CDK2AP1: variants seen among roughly 807,000 people sequenced by gnomAD.
CDK2AP1 encodes the protein cyclin dependent kinase 2 associated protein 1, also known as cyclin-dependent kinase 2-associated protein 1.
In CDK2AP1, 10 loss-of-function variants were observed where a neutral mutation model predicts 14.1. The observed-to-expected ratio is 0.71, with a 90% CI of 0.44 to 1.20. The LOEUF is 1.20. Among genes scored for constraint, CDK2AP1 ranks in the 50% most tolerant of loss-of-function variants. The pLI, the probability that CDK2AP1 is intolerant of heterozygous loss-of-function variation, is 0.00. For missense variants in CDK2AP1, 102 were observed against 149.9 expected (o/e 0.68, Z 1.67); for synonymous variants, 59 against 59.8 (o/e 0.99, Z 0.06).
At chr12:123,264,321 G>A (rs1433356197) in intron 3 of CDK2AP1, among the ~76,000 whole-genome samples, 1 of 151,636 alleles carries the variant, frequency 6.6e-6, no homozygotes, top group East Asian at 2.0e-4. Context: ...TTAGACAGGT[G>A]TGGTGGCACA....
chr12:123,269,504 G>A (rs1164411840), intron 1 of CDK2AP1, among the ~76,000 whole-genome samples: 1 of 152,254 alleles, frequency 6.6e-6, no homozygotes, highest in Non-Finnish European at 1.5e-5. Context: ...CAGGGACCAC[G>A]TCAGCGAAGG....
chr12:123,271,266 C>T (rs1260732836), intron 1 of CDK2AP1: 1 of 151,528 alleles, frequency 6.6e-6, no homozygotes, highest in Non-Finnish European at 1.4e-5. Context: ...GAGAACAAGC[C>T]TCCCCCGCCC....
At position 123,267,269 on chromosome 12, in the gene CDK2AP1, G is replaced by C. The variant is rs1210029698; in HGVS notation, c.69C>G (p.His23Gln). The C allele has an allele frequency of 1.2e-6, 2 of 1,610,738 alleles. No homozygotes were observed. The highest frequency in any genetic ancestry group is 2.2e-5 in the South Asian group (2 of 90,988). The change falls in exon 2 of 4, where the codon CAC (histidine) becomes CAG (glutamine). Residue 23 changes from histidine to glutamine, a missense_variant. By Grantham distance (24) the His-to-Gln change is conservative. This residue lies in a region of CDK2AP1 where 50 missense variants were observed against 42.7 expected (regional missense o/e 1.17). Coordinates refer to ENST00000261692, the MANE Select transcript of CDK2AP1 (RefSeq NM_004642.4). The part of the protein sequence containing the change: ...AAALNAAGSV[H>Q]SPSTSMATSS... The stretch of plus-strand genomic sequence containing the variant: ...ACGTTGCCATGCTGGTGGAAGGCGA[G>C]TGGACACTCCCAGCTGTGGGGTGGG...
chr12:123,262,669 AG>A (rs1226665955), intron 3 of CDK2AP1, among the ~76,000 whole-genome samples: 2 of 152,282 alleles, frequency 1.3e-5, no homozygotes, highest in African/African-American at 4.8e-5. Flanking sequence ...TCAACCTGCC[AG>A]GATCAGGTGA....
chr12:123,264,462 C>CAAAAAAAAAAAAAAAAAAAA lies in CDK2AP1; in HGVS notation c.280+714_280+733dup, dbSNP rs1167157405. Among the ~76,000 whole-genome samples, 11 of 69,860 alleles carry CAAAAAAAAAAAAAAAAAAAA rather than the reference C, an allele frequency of 1.6e-4. 1 individual carries two copies. The highest frequency in any genetic ancestry group is 5.0e-4 in the African/African-American group (7 of 13,900). The allele number at this position is 69,860 out of a possible 152,430, so 45.8% of individuals were successfully genotyped here. A position where few individuals can be genotyped will look rare whatever the true frequency, so the allele number is the denominator to read the frequency against. ...GCAACAAGAGTAAAACTCCGTCTCC[C>CAAAAAAAAAAAAAAAAAAAA]AAAAAAAAAAAAAAAAAAAAAAAAA... On this transcript the variant is annotated intron_variant, in intron 3 of 3. Transcript: ENST00000261692.
intron 1 of CDK2AP1, chr12:123,268,240 G>A: frequency 2.0e-6 from 2 of 985,530 alleles, no homozygotes; most frequent in Non-Finnish European, 2.4e-6. Flanking sequence ...CACACAGTGG[G>A]CGCCGCAGAC....
intron 1 of CDK2AP1, chr12:123,270,802 C>T: frequency 1.0e-6 from 1 of 980,988 alleles, no homozygotes; most frequent in Middle Eastern, 5.2e-4. Flanking sequence ...CCAGATGGGG[C>T]GTCCACGTGA....
At chr12:123,271,028 C>A in intron 1 of CDK2AP1, 1 of 882,196 alleles carries the variant, frequency 1.1e-6, no homozygotes, top group South Asian at 5.7e-5. Context: ...TCAGGGCCCC[C>A]GGCAGCCCGG....
At chr12:123,268,181 G>A (rs1223229807) in intron 1 of CDK2AP1, 6 of 985,342 alleles carry the variant, frequency 6.1e-6, no homozygotes, top group African/African-American at 1.7e-5. Flanking sequence ...AGTCCTCCTC[G>A]GCAGCTGCCC....
Position 123,261,555 on chromosome 12 carries a change from C to T in CDK2AP1, c.*181G>A. 1.9e-6 allele frequency: 1 copy of T among 532,582 alleles called. No individual in the cohort carries two copies. The highest frequency in any genetic ancestry group is 3.3e-6 in the Non-Finnish European group (1 of 299,392). 33.0% of individuals were successfully genotyped at this position (532,582 alleles called of 1,614,324 possible). On this transcript the variant is annotated 3_prime_UTR_variant, in exon 4 of 4. Transcript: ENST00000261692. ...TTCCTAACTACTTAAAATGCAAATC[C>T]TAATTAACTGCAAAATCTTTTCTCA...
chr12:123,267,180 C>G lies in CDK2AP1; in HGVS notation c.153+5G>C, dbSNP rs775171614. 4 of 1,551,936 alleles carry G rather than the reference C, an allele frequency of 2.6e-6. No individual in the cohort carries two copies. In the East Asian group the frequency reaches 9.0e-5, roughly 35 times the overall value. Reference sequence around the variant, plus strand: ...CCCACCATGCCATCACCCCCATTGACATACCTGGGTGTAGCCTAGGGACGG... The same window carrying G: ...CCCACCATGCCATCACCCCCATTGAGATACCTGGGTGTAGCCTAGGGACGG... On this transcript the variant is annotated splice_donor_5th_base_variant and intron_variant, in intron 2 of 3. Coordinates refer to ENST00000261692, the MANE Select transcript of CDK2AP1 (RefSeq NM_004642.4).
Position 123,263,925 on chromosome 12 carries a change from T to C in CDK2AP1, c.280+1271A>G, listed in dbSNP as rs190283259. On this transcript the variant is annotated intron_variant, in intron 3 of 3. Transcript: ENST00000261692. ...TCGAAACCATCCTGGCCAACCAACA[T>C]GGCGAAACCTGGTCTCTACTAAAAA... is the stretch of plus-strand genomic sequence containing the variant. Among the ~76,000 whole-genome samples the C allele has an allele frequency of 3.5e-3, 535 of 151,314 alleles. 5 individuals carry two copies. Among genetic ancestry groups the C allele is most frequent in the Non-Finnish European group, 4.5e-3 (303 of 67,898 alleles).
chr12:123,270,633 TGGCTCCCTC>T (rs1030613487), intron 1 of CDK2AP1, among the ~76,000 whole-genome samples: 3 of 152,098 alleles, frequency 2.0e-5, no homozygotes, highest in Non-Finnish European at 4.4e-5. Flanking sequence ...CCACTCCCCA[TGGCTCCCTC>T]GGTCCCCTGG....
intron 1 of CDK2AP1, chr12:123,270,279 C>G (rs952014483): frequency 1.5e-6 from 1 of 675,788 alleles, no homozygotes; most frequent in African/African-American, 2.0e-5. Context: ...TCCGAGCCCA[C>G]AAGTGAGCAA....
rs1193663289 is a variant in CDK2AP1, at chr12:123,271,025, CCCCGGCAG to C, written c.55+531_55+538del. On this transcript the variant is annotated intron_variant, in intron 1 of 3. Coordinates refer to ENST00000261692, the MANE Select transcript of CDK2AP1 (RefSeq NM_004642.4). The stretch of plus-strand genomic sequence containing the variant: ...CCCGGCGGCCCCGCGACCTCAGGGC[CCCCGGCAG>C]CCCGGCAGCCCCGCAGCCCCGCAGC... 3.4e-4 allele frequency: 315 copies of C among 918,904 alleles called. No individual in the cohort carries two copies. The African/African-American group carries it at 4.7e-3, about 14-fold the overall frequency. 56.9% of individuals were successfully genotyped at this position (918,904 alleles called of 1,614,324 possible).
chr12:123,261,851 C>T (rs777893249), intron 3 of CDK2AP1, 48 bp from the exon 4 acceptor site: 9 of 1,266,248 alleles, frequency 7.1e-6, no homozygotes, highest in Non-Finnish European at 1.0e-5. Context: ...CAGGACCAGC[C>T]AGCAAAGCCC....
rs760272973 is a variant in CDK2AP1, at chr12:123,265,206, C to T, written c.270G>A (p.Arg90=). Residue 90 remains arginine, a synonymous_variant, in exon 3 of 4, where the codon AGG becomes AGA. Coordinates refer to ENST00000261692, the MANE Select transcript of CDK2AP1 (RefSeq NM_004642.4). This position sits in a 1 kb window ranked among gnomAD's most constrained non-coding sequence, Gnocchi z 5.3. ...TYAGSKSAME[R]LKRGIIHARG... Reference sequence around the variant, plus strand: ...CGGGGCCGGGCTTACCGCGCTTCAGCCTCTCCATGGCACTCTTGCTCCCTG... The same window carrying T: ...CGGGGCCGGGCTTACCGCGCTTCAGTCTCTCCATGGCACTCTTGCTCCCTG... 31 of 1,614,080 alleles carry T rather than the reference C, an allele frequency of 1.9e-5. No individual in the cohort carries two copies. The highest frequency in any genetic ancestry group is 2.5e-5 in the Non-Finnish European group (30 of 1,180,046).
At chr12:123,267,500 G>C (rs2048309527) in intron 1 of CDK2AP1, 2 of 498,694 alleles carry the variant, frequency 4.0e-6, no homozygotes, top group Non-Finnish European at 7.4e-6. Flanking sequence ...GCAGCCGCTG[G>C]TCCTCACAGA....
chr12:123,268,536 A>G (rs1309067961), intron 1 of CDK2AP1, among the ~76,000 whole-genome samples: 1 of 152,208 alleles, frequency 6.6e-6, no homozygotes, highest in Non-Finnish European at 1.5e-5. Context: ...CTGTCTCCTG[A>G]GTCTCAGGCC....
Sources: allele counts gnomAD v4.1 joint callset (sites outside exome capture counted in the v4.1 genomes callset), GRCh38; gene constraint gnomAD v4.1.1; regional missense constraint gnomAD v4.1.1; non-coding constraint Gnocchi (gnomAD v3.1); transcripts MANE v1.5; gene names NCBI Gene and HGNC (gene_info 2026-07-23, HGNC 2026-07-21).